ANKIB1: variants seen among roughly 807,000 people sequenced by gnomAD.
ANKIB1 encodes ankyrin repeat and IBR domain-containing protein 1.
ANKIB1 carries 43 observed loss-of-function variants against 122.1 expected under a neutral mutation model. That is an observed-to-expected ratio of 0.35 (90% CI 0.28 to 0.45). The LOEUF (loss-of-function observed/expected upper bound fraction) is 0.45. ANKIB1 is among the 20% of genes least tolerant of loss of function. The pLI, the probability that ANKIB1 is intolerant of heterozygous loss-of-function variation, is 1.00. For missense variants in ANKIB1, 992 were observed against 1,329.5 expected, an observed-to-expected ratio of 0.75 and a Z score of 3.95; for synonymous variants, 390 against 442.0, an observed-to-expected ratio of 0.88 and a Z score of 1.48.
chr7:92,318,679 C>T (rs1023730706), intron 3 of ANKIB1, among the ~76,000 whole-genome samples: 4 of 152,260 alleles, frequency 2.6e-5, no homozygotes, highest in Middle Eastern at 3.4e-3. Flanking sequence ...TAGCAGAAAC[C>T]TCATTACTAA....
chr7:92,339,289 G>A (rs1031512482), intron 5 of ANKIB1, among the ~76,000 whole-genome samples: 8 of 151,728 alleles, frequency 5.3e-5, no homozygotes, highest in Non-Finnish European at 8.8e-5. Context: ...TGATCCGCCC[G>A]CCTTGGCCTC....
intron 3 of ANKIB1, among the ~76,000 whole-genome samples, chr7:92,313,040 G>A (rs995382747): frequency 6.6e-6 from 1 of 152,108 alleles, no homozygotes; most frequent in African/African-American, 2.4e-5. Context: ...GTTTCCATTA[G>A]TGCTTAACCT....
chr7:92,309,923 TA>T (rs869276384), intron 3 of ANKIB1, among the ~76,000 whole-genome samples: 1,812 of 96,030 alleles, frequency 0.019, 42 homozygotes, highest in South Asian at 0.047. Context: ...AGACTCCATC[TA>T]AAAAAAAAAA....
At chr7:92,342,039 G>A (rs1438864115) in intron 5 of ANKIB1, among the ~76,000 whole-genome samples, 2 of 151,244 alleles carry the variant, frequency 1.3e-5, no homozygotes, top group African/African-American at 4.9e-5. Context: ...CAAATACATC[G>A]GCTTAATATA....
chr7:92,277,112 A>G (rs1801920778), intron 1 of ANKIB1, among the ~76,000 whole-genome samples: 1 of 152,066 alleles, frequency 6.6e-6, no homozygotes, highest in African/African-American at 2.4e-5. Context: ...CATGATTGTA[A>G]GTTTCCTGAG....
intron 10 of ANKIB1, among the ~76,000 whole-genome samples, chr7:92,369,831 A>G (rs1804192504): frequency 6.6e-6 from 1 of 152,202 alleles, no homozygotes; most frequent in Non-Finnish European, 1.5e-5. Context: ...TTGATTGCTG[A>G]CATTCTTGCA....
chr7:92,346,618 A>G (rs1803545983), intron 7 of ANKIB1, among the ~76,000 whole-genome samples: 1 of 152,204 alleles, frequency 6.6e-6, no homozygotes, highest in Non-Finnish European at 1.5e-5. Context: ...CTCACAATCC[A>G]AAGCTATCCT....
At chr7:92,356,257 G>A (rs1172566899) in intron 9 of ANKIB1, among the ~76,000 whole-genome samples, 2 of 152,216 alleles carry the variant, frequency 1.3e-5, no homozygotes, top group Non-Finnish European at 2.9e-5. Flanking sequence ...GAAGCAATCT[G>A]TATGTGTAGA....
At position 92,380,524 on chromosome 7, in the gene ANKIB1, C is replaced by T. The variant is rs181356406; in HGVS notation, c.1618-5985C>T. ...CATACAGCCAGGTGCCCCTCTGAGACGAAGATTCCAGAGGAAGGACCAGGC... is the reference window on the plus strand; with the variant it reads ...CATACAGCCAGGTGCCCCTCTGAGATGAAGATTCCAGAGGAAGGACCAGGC... On this transcript the variant is annotated intron_variant, in intron 11 of 19. Transcript: ENST00000265742. Among the ~76,000 whole-genome samples, 622 of 152,206 alleles carry T rather than the reference C, an allele frequency of 4.1e-3. 7 individuals carry two copies. The highest frequency in any genetic ancestry group is 0.024 in the Admixed American group (365 of 15,290).
chr7:92,310,149 TG>T (rs897693252), intron 3 of ANKIB1, among the ~76,000 whole-genome samples: 12 of 151,802 alleles, frequency 7.9e-5, no homozygotes, highest in Non-Finnish European at 1.8e-4. Flanking sequence ...CTGTACTATC[TG>T]GCAGGCCTGA....
chr7:92,248,888 CTT>C (rs778549860), intron 1 of ANKIB1, among the ~76,000 whole-genome samples: 5 of 123,032 alleles, frequency 4.1e-5, no homozygotes, highest in Admixed American at 1.8e-4. Context: ...TCTTTTCTTT[CTT>C]TTTTTTTTTT....
chr7:92,268,123 C>G (rs943615941), intron 1 of ANKIB1, among the ~76,000 whole-genome samples: 4 of 152,122 alleles, frequency 2.6e-5, no homozygotes, highest in African/African-American at 9.7e-5. Context: ...TGAGAAGATA[C>G]GTCAAGAAGG....
At chr7:92,302,390 T>A (rs956925182) in intron 2 of ANKIB1, among the ~76,000 whole-genome samples, 7 of 152,212 alleles carry the variant, frequency 4.6e-5, no homozygotes, top group Admixed American at 3.3e-4. Flanking sequence ...AGGCATCACT[T>A]TCTTCGTTTC....
At chr7:92,389,885 T>A (rs1804748557) in intron 14 of ANKIB1, 86 bp from the exon 15 acceptor site, 1 of 1,407,520 alleles carries the variant, frequency 7.1e-7, no homozygotes. Flanking sequence ...CTTTTTCCTT[T>A]TTTGAGAAAA....
intron 10 of ANKIB1, among the ~76,000 whole-genome samples, chr7:92,364,993 G>A (rs1267067466): frequency 6.6e-6 from 1 of 152,174 alleles, no homozygotes; most frequent in Admixed American, 6.5e-5. Context: ...GTGTGGAGAT[G>A]TCCAGTGGAA....
At chr7:92,283,737 A>G (rs927587532) in intron 1 of ANKIB1, among the ~76,000 whole-genome samples, 21 of 152,298 alleles carry the variant, frequency 1.4e-4, no homozygotes, top group Non-Finnish European at 2.9e-4. Context: ...AATAAATTTA[A>G]TGTGGCCTAA....
chr7:92,262,711 A>G (rs1283481090), intron 1 of ANKIB1, among the ~76,000 whole-genome samples: 5 of 152,156 alleles, frequency 3.3e-5, no homozygotes, highest in Non-Finnish European at 7.4e-5. Context: ...TTTCTTCTTT[A>G]TACTTTTCCA....
chr7:92,303,465 T>G (rs1014601073), intron 2 of ANKIB1, among the ~76,000 whole-genome samples: 2 of 152,156 alleles, frequency 1.3e-5, no homozygotes, highest in African/African-American at 4.8e-5. Context: ...CTGGTCATAC[T>G]TCCCAATTTA....
intron 5 of ANKIB1, among the ~76,000 whole-genome samples, chr7:92,333,418 A>T (rs1265155687): frequency 6.6e-6 from 1 of 152,088 alleles, no homozygotes; most frequent in Non-Finnish European, 1.5e-5. Context: ...AACATGCTGT[A>T]TTCTATCTTT....
Sources: allele counts gnomAD v4.1 joint callset (sites outside exome capture counted in the v4.1 genomes callset), GRCh38; gene constraint gnomAD v4.1.1; transcripts MANE v1.5; gene names NCBI Gene and HGNC (gene_info 2026-07-23, HGNC 2026-07-21).